Variants in PRKN observed in about 807,000 individuals in gnomAD.
PRKN encodes parkin RBR E3 ubiquitin protein ligase, also known as E3 ubiquitin-protein ligase parkin.
In PRKN, 56 loss-of-function variants were observed where a neutral mutation model predicts 59.5. The ratio of observed to expected loss-of-function variants is 0.94; its 90% CI spans 0.76 to 1.18. The LOEUF (loss-of-function observed/expected upper bound fraction) is 1.18. Among genes scored for constraint, PRKN ranks in the 50% most tolerant of loss-of-function variants. The probability of loss-of-function intolerance (pLI) is 0.00; values close to 1 mark genes in which losing one functional copy is unlikely to be tolerated. For synonymous variants in PRKN, 250 were observed against 222.1 expected, an observed-to-expected ratio of 1.13 and a Z score of -1.12; for missense variants, 657 against 596.4, an observed-to-expected ratio of 1.10 and a Z score of -1.06.
intron 6 of PRKN, among the ~76,000 whole-genome samples, chr6:161,897,092 T>C (rs1230340571): frequency 6.6e-6 from 1 of 152,224 alleles, no homozygotes; most frequent in Non-Finnish European, 1.5e-5. Context: ...ACACTATCAC[T>C]GTCTCTATCC....
chr6:161,827,828 T>C (rs1792314147), intron 6 of PRKN, among the ~76,000 whole-genome samples: 1 of 152,174 alleles, frequency 6.6e-6, no homozygotes, highest in South Asian at 2.1e-4. Flanking sequence ...CTTTTTAAAT[T>C]GTAGTCCACT....
chr6:162,029,959 C>T (rs1211896362), intron 5 of PRKN, among the ~76,000 whole-genome samples: 5 of 152,096 alleles, frequency 3.3e-5, no homozygotes, highest in African/African-American at 1.2e-4. Flanking sequence ...CTGCTTTAGC[C>T]TCCTGAGTAG....
At chr6:162,278,730 G>A (rs934643940) in intron 2 of PRKN, among the ~76,000 whole-genome samples, 1 of 152,124 alleles carries the variant, frequency 6.6e-6, no homozygotes, top group Non-Finnish European at 1.5e-5. Flanking sequence ...ACACATTACA[G>A]CGGCTACACA....
At chr6:162,353,661 G>C (rs1657651095) in intron 2 of PRKN, among the ~76,000 whole-genome samples, 1 of 152,024 alleles carries the variant, frequency 6.6e-6, no homozygotes, top group African/African-American at 2.4e-5. Flanking sequence ...CATAGTTCCT[G>C]GAATTTTTGG....
intron 5 of PRKN, among the ~76,000 whole-genome samples, chr6:162,000,554 T>A (rs1299175135): frequency 1.3e-5 from 2 of 152,030 alleles, no homozygotes; most frequent in African/African-American, 4.8e-5. Context: ...TGGATGGTAG[T>A]TTTTCATTAG....
chr6:161,828,682 G>T (rs1792347352), intron 6 of PRKN, among the ~76,000 whole-genome samples: 1 of 152,186 alleles, frequency 6.6e-6, no homozygotes, highest in South Asian at 2.1e-4. Context: ...ACTCTGGGAG[G>T]CTGAGGTGGG....
intron 6 of PRKN, among the ~76,000 whole-genome samples, chr6:161,836,426 C>T (rs533281292): frequency 1.1e-4 from 17 of 152,250 alleles, no homozygotes; most frequent in African/African-American, 3.4e-4. Context: ...TGAGTGGCCT[C>T]GATTAAATCC....
rs369896293 is a variant in PRKN at position 161,668,721 on chromosome 6, T to A, written c.872-99305A>T. 3.3e-5 allele frequency among the ~76,000 whole-genome samples: 5 copies of A among 152,326 alleles called. No homozygotes were observed. In the East Asian group the frequency reaches 5.8e-4, roughly 18 times the overall value. ...AAAAAATACATTATACTTACAAATA[T>A]TTGGCACATAGTAGATGGATAATCA... On this transcript the variant is annotated intron_variant, in intron 7 of 11. Transcript: ENST00000366898.
intron 6 of PRKN, among the ~76,000 whole-genome samples, chr6:161,956,249 T>A (rs1011107086): frequency 6.6e-6 from 1 of 152,220 alleles, no homozygotes; most frequent in African/African-American, 2.4e-5. Flanking sequence ...CCTGTGCTCT[T>A]GATTCCAGCC....
chr6:161,949,327 A>G lies in PRKN; in HGVS notation c.734+23975T>C, dbSNP rs60373816. 8.5e-3 allele frequency among the ~76,000 whole-genome samples: 1,301 copies of G among 152,310 alleles called. 17 individuals carry two copies. The highest frequency in any genetic ancestry group is 0.03 in the African/African-American group (1,259 of 41,590). ...AGAGTTCGAGACCAGCCTGGCCAAC[A>G]TGGTGAAACCCCATCTCTACTAAAA... On this transcript the variant is annotated intron_variant, in intron 6 of 11. Transcript: ENST00000366898.
intron 7 of PRKN, among the ~76,000 whole-genome samples, chr6:161,574,913 ATTC>A (rs1444957305): frequency 6.6e-6 from 1 of 152,064 alleles, no homozygotes; most frequent in Middle Eastern, 3.2e-3. Flanking sequence ...ACAAGAGCCT[ATTC>A]TTCTCTATCT....
chr6:161,589,128 CGGCA>C (rs1195704958), intron 7 of PRKN, among the ~76,000 whole-genome samples: 1 of 152,194 alleles, frequency 6.6e-6, no homozygotes, highest in African/African-American at 2.4e-5. Context: ...ACATAGTATA[CGGCA>C]TGCCGTCAAG....
intron 1 of PRKN, among the ~76,000 whole-genome samples, chr6:162,467,817 C>T (rs546098388): frequency 1.3e-4 from 19 of 151,758 alleles, no homozygotes; most frequent in South Asian, 2.1e-4. Flanking sequence ...GTCACGCTCC[C>T]GCTACGCCGC....
intron 7 of PRKN, among the ~76,000 whole-genome samples, chr6:161,580,961 G>A (rs1159683745): frequency 6.6e-6 from 1 of 151,652 alleles, no homozygotes; most frequent in East Asian, 1.9e-4. Context: ...CAGCACTTTG[G>A]GAGGCCAAGG....
At chr6:162,683,749 G>A (rs564840807) in intron 1 of PRKN, among the ~76,000 whole-genome samples, 46 of 152,176 alleles carry the variant, frequency 3.0e-4, no homozygotes, top group Admixed American at 1.2e-3. Context: ...ATAATCGGTT[G>A]TCTTGAGGAG....
At chr6:162,519,774 T>C (rs937283239) in intron 1 of PRKN, among the ~76,000 whole-genome samples, 6 of 152,188 alleles carry the variant, frequency 3.9e-5, no homozygotes, top group African/African-American at 1.4e-4. Flanking sequence ...TAAACTGTCT[T>C]CCTTGGGTAA....
chr6:161,849,194 G>A (rs1469102342), intron 6 of PRKN, among the ~76,000 whole-genome samples: 1 of 152,050 alleles, frequency 6.6e-6, no homozygotes, highest in Non-Finnish European at 1.5e-5. Context: ...TTGTTCCTCT[G>A]GGTCTCTACA....
chr6:162,216,443 T>C (rs1777657988), intron 3 of PRKN, among the ~76,000 whole-genome samples: 1 of 137,746 alleles, frequency 7.3e-6, no homozygotes, highest in African/African-American at 2.8e-5. Flanking sequence ...GGCAGGAGAA[T>C]GGCGTGAACC....
At chr6:162,335,012 T>A (rs1783770476) in intron 2 of PRKN, among the ~76,000 whole-genome samples, 1 of 151,956 alleles carries the variant, frequency 6.6e-6, no homozygotes, top group Non-Finnish European at 1.5e-5. Flanking sequence ...TTCTTATGGA[T>A]GATTTTGTTT....
Sources: allele counts gnomAD v4.1 joint callset (sites outside exome capture counted in the v4.1 genomes callset), GRCh38; gene constraint gnomAD v4.1.1; transcripts MANE v1.5; gene names NCBI Gene and HGNC (gene_info 2026-07-23, HGNC 2026-07-21).